Variants in SLMAP observed in about 807,000 individuals in gnomAD.
The protein encoded by SLMAP is sarcolemmal membrane-associated protein.
In SLMAP, 44 loss-of-function variants were observed where a neutral mutation model predicts 128.8. That is an observed-to-expected ratio of 0.34 (90% CI 0.27 to 0.44). SLMAP has a LOEUF of 0.44. Ranked by LOEUF, SLMAP falls within the 20% of genes least tolerant of loss-of-function variation. The pLI is 1.00. For synonymous variants in SLMAP, 327 were observed against 348.8 expected (o/e 0.94, Z 0.70); for missense variants, 787 against 985.3 (o/e 0.80, Z 2.69).
chr3:57,804,844 C>A (rs1401458972), intron 2 of SLMAP, among the ~76,000 whole-genome samples: 4 of 152,188 alleles, frequency 2.6e-5, no homozygotes, highest in Non-Finnish European at 4.4e-5. Context: ...AAATGATCTT[C>A]TCCTATAGGT....
chr3:57,916,817 C>T, intron 21 of SLMAP, 89 bp from the exon 22 acceptor site: 4 of 995,084 alleles, frequency 4.0e-6, no homozygotes, highest in Non-Finnish European at 6.1e-6. Flanking sequence ...TCCACTCTAT[C>T]CCTTCTAGTG....
intron 2 of SLMAP, among the ~76,000 whole-genome samples, chr3:57,768,473 C>T (rs1163846832): frequency 6.6e-6 from 1 of 152,088 alleles, no homozygotes; most frequent in Non-Finnish European, 1.5e-5. Flanking sequence ...AATCCTAGCA[C>T]TTTGGGAGGC....
intron 17 of SLMAP, chr3:57,899,152 G>C (rs2096308255): frequency 6.6e-6 from 1 of 152,228 alleles, no homozygotes; most frequent in South Asian, 2.1e-4. Flanking sequence ...TTTCTAATTA[G>C]TAATGCATTT....
chr3:57,761,191 A>T (rs926824657), intron 2 of SLMAP, among the ~76,000 whole-genome samples: 1 of 152,160 alleles, frequency 6.6e-6, no homozygotes, highest in Non-Finnish European at 1.5e-5. Flanking sequence ...AACTATTTAG[A>T]CAACACTGTG....
chr3:57,882,565 T>C (rs1447655349), intron 14 of SLMAP, among the ~76,000 whole-genome samples: 5 of 152,166 alleles, frequency 3.3e-5, no homozygotes, highest in Non-Finnish European at 5.9e-5. Context: ...GGCTGTAAGG[T>C]CTCTTGGCAG....
intron 2 of SLMAP, among the ~76,000 whole-genome samples, chr3:57,799,197 G>T (rs993717225): frequency 6.6e-6 from 1 of 152,158 alleles, no homozygotes; most frequent in Non-Finnish European, 1.5e-5. Context: ...TATAACAGAT[G>T]TTAAAGGATA....
At chr3:57,900,832 C>G (rs980452113) in intron 17 of SLMAP, 1 of 152,160 alleles carries the variant, frequency 6.6e-6, no homozygotes, top group African/African-American at 2.4e-5. Flanking sequence ...AATCTATCCT[C>G]TGGATTTAAG....
chr3:57,881,162 C>G (rs544525392), intron 14 of SLMAP, among the ~76,000 whole-genome samples: 2 of 151,984 alleles, frequency 1.3e-5, no homozygotes, highest in East Asian at 1.9e-4. Context: ...CCACTGTACT[C>G]CAGCCTGGAT....
At chr3:57,888,296 T>G (rs1042851164) in intron 14 of SLMAP, among the ~76,000 whole-genome samples, 4 of 152,172 alleles carry the variant, frequency 2.6e-5, no homozygotes, top group African/African-American at 4.8e-5. Flanking sequence ...TAGCATACTA[T>G]ATGACTCATT....
chr3:57,907,911 T>C lies in SLMAP; in HGVS notation c.1529T>C (p.Ile510Thr). ...KDDLQGAQSEIEAKQEIQHLR... is the reference protein window; with the variant it reads ...KDDLQGAQSETEAKQEIQHLR... Reference sequence around the variant, plus strand: ...GACTTGCAGGGTGCACAGTCAGAAATTGAGGCAAAGCAAGAAATACAGCAT... The same window carrying C: ...GACTTGCAGGGTGCACAGTCAGAAACTGAGGCAAAGCAAGAAATACAGCAT... Residue 510 changes from isoleucine (I) to threonine (T), a missense_variant, in exon 18 of 25, where the codon ATT becomes ACT. Around this residue, in one of 2 missense-constraint regions of SLMAP, gnomAD observed 715 missense variants for 843.6 expected, o/e 0.85. Coordinates refer to ENST00000671191, the MANE Select transcript of SLMAP (RefSeq NM_001377540.1). 5.0e-6 allele frequency: 8 copies of C among 1,613,968 alleles called. No homozygotes were observed. Among genetic ancestry groups the C allele is most frequent in the Non-Finnish European group, 6.8e-6 (8 of 1,179,898 alleles).
chr3:57,761,440 A>G (rs1490739684), intron 2 of SLMAP, among the ~76,000 whole-genome samples: 1 of 151,704 alleles, frequency 6.6e-6, no homozygotes, highest in African/African-American at 2.4e-5. Context: ...GATTACAGGC[A>G]TTCATCACCA....
chr3:57,803,927 C>T (rs1016721860), intron 2 of SLMAP, among the ~76,000 whole-genome samples: 1 of 152,160 alleles, frequency 6.6e-6, no homozygotes, highest in Non-Finnish European at 1.5e-5. Flanking sequence ...TACTCTTTAC[C>T]GATTTTGCTT....
At chr3:57,842,217 G>T (rs190251429) in intron 4 of SLMAP, among the ~76,000 whole-genome samples, 4 of 152,124 alleles carry the variant, frequency 2.6e-5, no homozygotes, top group Admixed American at 6.5e-5. Context: ...TCCCATTACT[G>T]TCCGTGCTTT....
At chr3:57,892,633 A>G (rs1311269556) in intron 15 of SLMAP, among the ~76,000 whole-genome samples, 1 of 152,100 alleles carries the variant, frequency 6.6e-6, no homozygotes, top group Non-Finnish European at 1.5e-5. Flanking sequence ...TTGAGGATCC[A>G]TGACTTGACT....
At chr3:57,773,783 AATTT>A (rs1232306618) in intron 2 of SLMAP, among the ~76,000 whole-genome samples, 1 of 151,648 alleles carries the variant, frequency 6.6e-6, no homozygotes, top group Non-Finnish European at 1.5e-5. Context: ...GTATTAATAT[AATTT>A]ATTTTCTTTT....
intron 4 of SLMAP, among the ~76,000 whole-genome samples, chr3:57,844,251 G>A (rs1363559625): frequency 6.6e-6 from 1 of 151,912 alleles, no homozygotes; most frequent in Non-Finnish European, 1.5e-5. Context: ...AAAATTAGCC[G>A]GGCGTGGTGG....
chr3:57,890,340 C>A, intron 15 of SLMAP: 1 of 394,426 alleles, frequency 2.5e-6, no homozygotes, highest in Admixed American at 4.2e-5. Context: ...AATGTTAGTA[C>A]TTGATATAGG....
intron 2 of SLMAP, among the ~76,000 whole-genome samples, chr3:57,826,265 A>C (rs931399842): frequency 9.2e-5 from 14 of 151,826 alleles, no homozygotes; most frequent in Non-Finnish European, 5.9e-5. Flanking sequence ...AATGTCTTTT[A>C]GCTTGTTTTG....
chr3:57,884,303 C>G (rs1302805732), intron 14 of SLMAP, among the ~76,000 whole-genome samples: 3 of 152,064 alleles, frequency 2.0e-5, no homozygotes, highest in African/African-American at 7.2e-5. Flanking sequence ...GGTTTGCTCT[C>G]TGGAGGCTGA....
Sources: gnomAD v4.1 joint callset for allele counts (sites outside exome capture counted in the v4.1 genomes callset) on GRCh38, gnomAD v4.1.1 for gene constraint, gnomAD v4.1.1 regional missense constraint, MANE v1.5 for transcripts, NCBI Gene and HGNC (gene_info 2026-07-23, HGNC 2026-07-21) for gene names.